The following IFNLR1 variants were observed in gnomAD, a reference collection of about 807,000 sequenced individuals.
IFNLR1 encodes the protein interferon lambda receptor 1, also known as CRF2-12.
IFNLR1 carries 28 observed loss-of-function variants against 52.5 expected under a neutral mutation model. The ratio of observed to expected loss-of-function variants is 0.53; its 90% CI spans 0.40 to 0.73. The LOEUF (loss-of-function observed/expected upper bound fraction) is 0.73, where lower values mean the gene tolerates loss of function less well. Among genes scored for constraint, IFNLR1 ranks in the 30% least tolerant of loss-of-function variants. The pLI is 0.00. For missense variants in IFNLR1, 623 were observed against 659.1 expected (o/e 0.95, Z 0.60); for synonymous variants, 276 against 274.9 (o/e 1.00, Z -0.04).
At chr1:24,173,014 A>C (rs1644596898) in intron 2 of IFNLR1, among the ~76,000 whole-genome samples, 1 of 152,044 alleles carries the variant, frequency 6.6e-6, no homozygotes, top group Non-Finnish European at 1.5e-5. Context: ...GCTCATCTCC[A>C]AATAGTCACT....
At chr1:24,184,147 G>A (rs1644715737) in intron 1 of IFNLR1, among the ~76,000 whole-genome samples, 1 of 152,026 alleles carries the variant, frequency 6.6e-6, no homozygotes, top group African/African-American at 2.4e-5. Context: ...GAGCACCCCA[G>A]CCACACTCCC....
Position 24,157,481 on chromosome 1 carries a change from A to C in IFNLR1, c.1212T>G (p.Ser404=). 1 of 1,613,548 alleles carries C rather than the reference A, an allele frequency of 6.2e-7. No individual in the cohort carries two copies. The highest frequency in any genetic ancestry group is 8.5e-7 in the Non-Finnish European group (1 of 1,179,682). ...CTGGCCCCTTCTCAGCCAAATAGCC[A>C]GAGGACCCAGCCCTGTCCCAGGAGG... is the stretch of plus-strand genomic sequence containing the variant. The part of the protein sequence containing the change: ...VDSSWDRAGS[S]GYLAEKGPGQ... The change falls in exon 7 of 7, where the codon TCT becomes TCG. Residue 404 remains serine (S), a synonymous_variant. Transcript: ENST00000327535. The surrounding 1 kb of genome is among the most constrained non-coding windows in gnomAD (Gnocchi z 5.1).
In IFNLR1 at chr1:24,180,810, G is replaced by C. The variant is rs766299444; in HGVS notation, c.103C>G (p.Gln35Glu). 6.2e-7 allele frequency: 1 copy of C among 1,613,868 alleles called. No individual in the cohort carries two copies. The highest frequency in any genetic ancestry group is 8.5e-7 in the Non-Finnish European group (1 of 1,179,826). The change falls in exon 2 of 7, where the codon CAG becomes GAG. Residue 35 changes from glutamine (Q) to glutamate (E), a missense_variant. Physicochemically the swap from Gln to Glu is conservative, Grantham distance 29 (BLOSUM62 2). Coordinates refer to ENST00000327535, the MANE Select transcript of IFNLR1 (RefSeq NM_170743.4). ...CATGTCAGGTACACGCTGAAGTTCT[G>C]GGAGAGCAGCGTCACATTCTGGGGA... ...APPQNVTLLS[Q>E]NFSVYLTWLP...
intron 2 of IFNLR1, 41 bp downstream of exon 2, chr1:24,180,690 C>G (rs772075133): frequency 2.8e-6 from 4 of 1,421,166 alleles, no homozygotes; most frequent in Non-Finnish European, 3.9e-6. Flanking sequence ...CCACCCACCC[C>G]CTCAGTCTTC....
intron 3 of IFNLR1, among the ~76,000 whole-genome samples, chr1:24,162,843 CTTTCTT>C: frequency 1.8e-5 from 1 of 55,550 alleles, no homozygotes; most frequent in African/African-American, 7.9e-5. Flanking sequence ...TTCTTTCTTT[CTTTCTT>C]TCTTTCTTTC....
At position 24,159,410 on chromosome 1, in the gene IFNLR1, C is replaced by T. The variant is rs879201044; in HGVS notation, c.670+64G>A. 1.1e-4 allele frequency: 159 copies of T among 1,480,284 alleles called. 1 individual carries two copies. In the South Asian group the frequency reaches 1.8e-3, roughly 17 times the overall value. 91.7% of individuals were successfully genotyped at this position (1,480,284 alleles called of 1,614,324 possible). On this transcript the variant is annotated intron_variant, in intron 5 of 6. Coordinates refer to ENST00000327535, the MANE Select transcript of IFNLR1 (RefSeq NM_170743.4). ...ATCTCTAGGCTCATGTTCTTAACCA[C>T]TGTGTCACGAAGCTCCCAAGGCCCA...
chr1:24,157,979 T>A lies in IFNLR1; in HGVS notation c.802-88A>T. Reference sequence around the variant, plus strand: ...ATCTGAATTCCCCTAGAAACAGACCTCAGACAAGGCTTCAAGTGTAAGCAG... The same window carrying A: ...ATCTGAATTCCCCTAGAAACAGACCACAGACAAGGCTTCAAGTGTAAGCAG... On this transcript the variant is annotated intron_variant, in intron 6 of 6. Coordinates refer to ENST00000327535, the MANE Select transcript of IFNLR1 (RefSeq NM_170743.4). This position sits in a 1 kb window ranked among gnomAD's most constrained non-coding sequence, Gnocchi z 5.1. The A allele has an allele frequency of 8.0e-7, 1 of 1,257,208 alleles. No individual in the cohort carries two copies. Among genetic ancestry groups the A allele is most frequent in the Non-Finnish European group, 1.1e-6 (1 of 913,454 alleles). 77.9% of individuals were successfully genotyped at this position (1,257,208 alleles called of 1,614,324 possible).
chr1:24,165,986 G>A (rs189433502), intron 3 of IFNLR1, among the ~76,000 whole-genome samples: 1 of 152,200 alleles, frequency 6.6e-6, no homozygotes, highest in Non-Finnish European at 1.5e-5. Context: ...GGCTTGGGAT[G>A]TGGGGCTGAA....
intron 2 of IFNLR1, among the ~76,000 whole-genome samples, chr1:24,176,138 C>T (rs1644630833): frequency 6.6e-6 from 1 of 152,106 alleles, no homozygotes; most frequent in Non-Finnish European, 1.5e-5. Context: ...CATACAATGG[C>T]ATTACTACTC....
At position 24,161,446 on chromosome 1, in the gene IFNLR1, G is replaced by C. The variant is rs772686910; in HGVS notation, c.510+96C>G. 5 of 1,380,780 alleles carry C rather than the reference G, an allele frequency of 3.6e-6. No homozygotes were observed. In the South Asian group the frequency reaches 6.3e-5, roughly 17 times the overall value. The allele number at this position is 1,380,780 out of a possible 1,614,324, so 85.5% of individuals were successfully genotyped here. ...AGTGTACAGGGAAGACTTCCTGGAG[G>C]AGGGGTGCAGGAGCAGGCTGGGAGG... is the stretch of plus-strand genomic sequence containing the variant. On this transcript the variant is annotated intron_variant, in intron 4 of 6. Coordinates refer to ENST00000327535, the MANE Select transcript of IFNLR1 (RefSeq NM_170743.4).
chr1:24,165,411 G>C (rs1421246305), intron 3 of IFNLR1, among the ~76,000 whole-genome samples: 1 of 152,196 alleles, frequency 6.6e-6, no homozygotes, highest in East Asian at 1.9e-4. Context: ...CTACTAACAG[G>C]CTTTTCACGA....
At chr1:24,178,645 T>G (rs1386309916) in intron 2 of IFNLR1, among the ~76,000 whole-genome samples, 2 of 152,260 alleles carry the variant, frequency 1.3e-5, no homozygotes, top group African/African-American at 4.8e-5. Context: ...TACGTCGCAA[T>G]AGACTGAAAC....
intron 2 of IFNLR1, among the ~76,000 whole-genome samples, chr1:24,178,013 G>A (rs1030861775): frequency 4.6e-5 from 7 of 152,108 alleles, no homozygotes; most frequent in African/African-American, 1.2e-4. Flanking sequence ...GGCTGGGTGC[G>A]ATGGCTCATG....
At chr1:24,178,557 G>C (rs759107091) in intron 2 of IFNLR1, among the ~76,000 whole-genome samples, 2 of 152,140 alleles carry the variant, frequency 1.3e-5, no homozygotes, top group Non-Finnish European at 2.9e-5. Context: ...CTAGGGTCAA[G>C]TTAAAAGGAC....
At chr1:24,180,691 C>CCCCCCCAAA in intron 2 of IFNLR1, 40 bp downstream of exon 2, 1 of 1,437,894 alleles carries the variant, frequency 7.0e-7, no homozygotes, top group East Asian at 2.6e-5. Flanking sequence ...CACCCACCCC[C>CCCCCCCAAA]TCAGTCTTCC....
At chr1:24,161,271 G>T (rs995017563) in intron 4 of IFNLR1, 26 of 577,408 alleles carry the variant, frequency 4.5e-5, no homozygotes, top group Non-Finnish European at 7.2e-5. Context: ...AGTGATGTGT[G>T]GTCATCTCTG....
chr1:24,187,115 C>T (rs1048458585), intron 1 of IFNLR1, 76 bp downstream of exon 1: 3 of 1,006,824 alleles, frequency 3.0e-6, no homozygotes, highest in Middle Eastern at 3.4e-4. Flanking sequence ...GTCCCAGGAG[C>T]TCCGGGTCCG....
In IFNLR1 at chr1:24,173,753, A is replaced by T. The variant is rs145502216; in HGVS notation, c.183-4152T>A. Reference sequence around the variant, plus strand: ...AGTCTAAAACCCCTGGGCTCAAGGGATCCTCCCACCTCAGCCTCCTGAGAT... The same window carrying T: ...AGTCTAAAACCCCTGGGCTCAAGGGTTCCTCCCACCTCAGCCTCCTGAGAT... On this transcript the variant is annotated intron_variant, in intron 2 of 6. Coordinates refer to ENST00000327535, the MANE Select transcript of IFNLR1 (RefSeq NM_170743.4). Among the ~76,000 whole-genome samples the T allele has an allele frequency of 1.9e-3, 287 of 151,984 alleles. 2 individuals are homozygous for T. The highest frequency in any genetic ancestry group is 6.6e-3 in the African/African-American group (274 of 41,420).
intron 4 of IFNLR1, among the ~76,000 whole-genome samples, chr1:24,159,853 C>A (rs951748524): frequency 6.6e-6 from 1 of 151,554 alleles, no homozygotes; most frequent in African/African-American, 2.4e-5. Flanking sequence ...AAGCGATCCT[C>A]CTACCTCAGC....
Sources: gnomAD v4.1 joint callset for allele counts (sites outside exome capture counted in the v4.1 genomes callset) on GRCh38, gnomAD v4.1.1 for gene constraint, Gnocchi (gnomAD v3.1) non-coding constraint, MANE v1.5 for transcripts, NCBI Gene and HGNC (gene_info 2026-07-23, HGNC 2026-07-21) for gene names.